TDRD3: variants seen among roughly 807,000 people sequenced by gnomAD.
TDRD3 encodes tudor domain-containing protein 3.
A neutral mutation model predicts 86.7 loss-of-function variants in TDRD3; 45 were observed. The observed-to-expected ratio is 0.52, with a 90% CI of 0.41 to 0.67. TDRD3 has a LOEUF of 0.67. Ranked by LOEUF, TDRD3 falls within the 30% of genes least tolerant of loss-of-function variation. The pLI, the probability that TDRD3 is intolerant of heterozygous loss-of-function variation, is 0.00. For missense variants in TDRD3, 814 were observed against 889.0 expected (o/e 0.92, Z 1.07); for synonymous variants, 298 against 301.7 (o/e 0.99, Z 0.13).
intron 13 of TDRD3, among the ~76,000 whole-genome samples, chr13:60,568,229 C>A (rs1362358219): frequency 6.6e-6 from 1 of 152,096 alleles, no homozygotes; most frequent in Non-Finnish European, 1.5e-5. Flanking sequence ...AGTAGTCTGC[C>A]TAGAGTGGAA....
chr13:60,547,590 T>C (rs1206994504), intron 12 of TDRD3: 1 of 168,290 alleles, frequency 5.9e-6, no homozygotes, highest in Non-Finnish European at 1.2e-5. Flanking sequence ...CCAAGAGCTA[T>C]AGAAATATAA....
At chr13:60,526,572 A>C (rs1186217554) in intron 10 of TDRD3, among the ~76,000 whole-genome samples, 2 of 152,054 alleles carry the variant, frequency 1.3e-5, no homozygotes, top group Non-Finnish European at 2.9e-5. Flanking sequence ...TTGTTAAAAT[A>C]AGACATTGTG....
At chr13:60,473,511 G>A (rs1933569738) in intron 5 of TDRD3, among the ~76,000 whole-genome samples, 1 of 152,130 alleles carries the variant, frequency 6.6e-6, no homozygotes, top group Admixed American at 6.5e-5. Flanking sequence ...GGCACAAACT[G>A]TTCCAGCATA....
Position 60,488,626 on chromosome 13 carries a change from T to G in TDRD3, c.717+2678T>G, listed in dbSNP as rs578251843. Reference sequence around the variant, plus strand: ...TCTTGCTCTGTTGCCCAGGGTGGAGTGCAGTGGCGCGATCTTGGCTCACTG... The same window carrying G: ...TCTTGCTCTGTTGCCCAGGGTGGAGGGCAGTGGCGCGATCTTGGCTCACTG... On this transcript the variant is annotated intron_variant, in intron 7 of 13. Transcript: ENST00000377881. 2.6e-5 allele frequency among the ~76,000 whole-genome samples: 4 copies of G among 152,158 alleles called. No homozygotes were observed. In the East Asian group the frequency reaches 7.7e-4, roughly 29 times the overall value.
intron 9 of TDRD3, 93 bp from the exon 10 acceptor site, chr13:60,510,537 C>G: frequency 8.3e-7 from 1 of 1,208,152 alleles, no homozygotes; most frequent in Non-Finnish European, 1.1e-6. Flanking sequence ...AAATTAAAAT[C>G]CTTATTTAAA....
chr13:60,428,266 T>C (rs1374353241), intron 1 of TDRD3, among the ~76,000 whole-genome samples: 1 of 151,150 alleles, frequency 6.6e-6, no homozygotes, highest in Non-Finnish European at 1.5e-5. Flanking sequence ...GTTCTTAATT[T>C]AATTACTTCT....
intron 2 of TDRD3, among the ~76,000 whole-genome samples, chr13:60,441,243 A>G (rs1955261893): frequency 6.6e-6 from 1 of 152,122 alleles, no homozygotes; most frequent in African/African-American, 2.4e-5. Flanking sequence ...AAAACTTTCT[A>G]CAGATTCTAG....
At chr13:60,506,413 C>A (rs1956938052) in intron 8 of TDRD3, among the ~76,000 whole-genome samples, 1 of 152,144 alleles carries the variant, frequency 6.6e-6, no homozygotes, top group African/African-American at 2.4e-5. Context: ...AAAGGAGCAA[C>A]CGGTACTAAC....
intron 4 of TDRD3, among the ~76,000 whole-genome samples, chr13:60,466,900 A>G (rs1378105118): frequency 2.0e-5 from 3 of 152,140 alleles, no homozygotes; most frequent in Non-Finnish European, 4.4e-5. Context: ...GTGTTAGTGC[A>G]TTTTGAAGAA....
At chr13:60,426,450 TGATA>T (rs1177338924) in intron 1 of TDRD3, among the ~76,000 whole-genome samples, 2 of 152,344 alleles carry the variant, frequency 1.3e-5, no homozygotes, top group Middle Eastern at 3.4e-3. Context: ...AACTGTGAGA[TGATA>T]GATATGTTAA....
At chr13:60,426,649 G>T (rs771253026) in intron 1 of TDRD3, among the ~76,000 whole-genome samples, 5 of 152,158 alleles carry the variant, frequency 3.3e-5, no homozygotes, top group Non-Finnish European at 7.3e-5. Flanking sequence ...GCCCCCATTA[G>T]AGTTAGAAAG....
intron 11 of TDRD3, 41 bp from the exon 12 acceptor site, chr13:60,535,067 A>G: frequency 1.2e-6 from 2 of 1,609,730 alleles, no homozygotes; most frequent in Non-Finnish European, 1.7e-6. Context: ...CTTTATAGAC[A>G]ATACCAGTTG....
intron 1 of TDRD3, among the ~76,000 whole-genome samples, chr13:60,414,268 T>C (rs949602978): frequency 5.9e-5 from 9 of 152,038 alleles, no homozygotes; most frequent in Non-Finnish European, 1.0e-4. Flanking sequence ...TCCTAAGGAG[T>C]TGGCAGACTA....
intron 12 of TDRD3, among the ~76,000 whole-genome samples, chr13:60,554,609 T>A (rs957006793): frequency 1.3e-5 from 2 of 152,160 alleles, no homozygotes; most frequent in African/African-American, 4.8e-5. Flanking sequence ...TCTTAATACT[T>A]TTCAGGAAGA....
intron 8 of TDRD3, among the ~76,000 whole-genome samples, chr13:60,497,222 A>G (rs981635568): frequency 1.3e-5 from 2 of 152,136 alleles, no homozygotes; most frequent in Non-Finnish European, 2.9e-5. Flanking sequence ...CTTAACAAAC[A>G]TGGACCAGAA....
chr13:60,547,237 A>G (rs2137880930), intron 12 of TDRD3: 1 of 985,428 alleles, frequency 1.0e-6, no homozygotes, highest in African/African-American at 1.7e-5. Context: ...CCATTCTTGG[A>G]CCCAAGGCTG....
At chr13:60,472,862 G>A (rs947042371) in intron 5 of TDRD3, among the ~76,000 whole-genome samples, 1 of 152,158 alleles carries the variant, frequency 6.6e-6, no homozygotes, top group Non-Finnish European at 1.5e-5. Context: ...CGGACTGGGG[G>A]AGGAGAGAAT....
intron 13 of TDRD3, among the ~76,000 whole-genome samples, chr13:60,573,329 A>G (rs1958630639): frequency 6.6e-6 from 1 of 152,214 alleles, no homozygotes; most frequent in Non-Finnish European, 1.5e-5. Flanking sequence ...CGGTTAATCC[A>G]AATTCCTGAA....
At chr13:60,546,748 A>G (rs143259184) in intron 12 of TDRD3, among the ~76,000 whole-genome samples, 10 of 152,246 alleles carry the variant, frequency 6.6e-5, no homozygotes, top group Admixed American at 1.3e-4. Flanking sequence ...AGCAAAATCA[A>G]CCCTTCCTAA....
Sources: gnomAD v4.1 joint callset for allele counts (sites outside exome capture counted in the v4.1 genomes callset) on GRCh38, gnomAD v4.1.1 for gene constraint, MANE v1.5 for transcripts, NCBI Gene and HGNC (gene_info 2026-07-23, HGNC 2026-07-21) for gene names.